KIRREL3: variants seen among roughly 807,000 people sequenced by gnomAD.
The protein encoded by KIRREL3 is kin of IRRE-like protein 3.
A neutral mutation model predicts 89.7 loss-of-function variants in KIRREL3; 36 were observed. That is an observed-to-expected ratio of 0.40 (90% CI 0.31 to 0.53). KIRREL3 has a LOEUF of 0.53. KIRREL3 is among the 20% of genes least tolerant of loss of function. The probability of loss-of-function intolerance (pLI) is 0.49; values close to 1 mark genes in which losing one functional copy is unlikely to be tolerated. For missense variants in KIRREL3, 864 were observed against 1,056.6 expected, an observed-to-expected ratio of 0.82 and a Z score of 2.53; for synonymous variants, 445 against 441.4, an observed-to-expected ratio of 1.01 and a Z score of -0.10.
At chr11:126,659,993 G>A (rs536064447) in intron 1 of KIRREL3, among the ~76,000 whole-genome samples, 1 of 152,306 alleles carries the variant, frequency 6.6e-6, no homozygotes, top group African/African-American at 2.4e-5. Flanking sequence ...TGGCATTCTG[G>A]TCTTGAAAAG....
intron 1 of KIRREL3, among the ~76,000 whole-genome samples, chr11:126,882,105 G>A (rs1404400035): frequency 6.6e-6 from 1 of 152,072 alleles, no homozygotes; most frequent in Non-Finnish European, 1.5e-5. Context: ...TCTAGGAAAT[G>A]AGCAGTTCAG....
intron 1 of KIRREL3, among the ~76,000 whole-genome samples, chr11:126,910,477 C>T (rs957853933): frequency 4.6e-5 from 7 of 152,174 alleles, no homozygotes; most frequent in African/African-American, 1.4e-4. Flanking sequence ...AAAGGTCAGA[C>T]TCATGAGTTA....
chr11:126,796,508 C>T lies in KIRREL3; in HGVS notation c.55+203947G>A, dbSNP rs1274677911. 6.6e-6 allele frequency among the ~76,000 whole-genome samples: 1 copy of T among 152,154 alleles called. No homozygotes were observed. Among genetic ancestry groups the T allele is most frequent in the African/African-American group, 2.4e-5 (1 of 41,424 alleles). ...TTGAATGGTGCGATTTGAAAAGCCT[C>T]CAGTATCTGCTGCTGACATCTGAAA... On this transcript the variant is annotated intron_variant, in intron 1 of 16. Transcript: ENST00000525144. The surrounding 1 kb of genome is among the most constrained non-coding windows in gnomAD (Gnocchi z 5.1).
intron 1 of KIRREL3, among the ~76,000 whole-genome samples, chr11:126,573,950 C>T (rs1308846570): frequency 6.6e-6 from 1 of 152,242 alleles, no homozygotes; most frequent in African/African-American, 2.4e-5. Flanking sequence ...GGTCTGGACC[C>T]TGCTCCTGAT....
intron 13 of KIRREL3, among the ~76,000 whole-genome samples, chr11:126,434,922 G>A (rs1485897552): frequency 6.6e-6 from 1 of 152,148 alleles, no homozygotes; most frequent in Admixed American, 6.5e-5. Flanking sequence ...GAAGCAGAAG[G>A]CAGTCAGGAC....
Position 126,900,448 on chromosome 11 carries a change from A to G in KIRREL3, c.55+100007T>C, listed in dbSNP as rs891160780. Among the ~76,000 whole-genome samples the G allele has an allele frequency of 2.0e-5, 3 of 152,256 alleles. No homozygotes were observed. The highest frequency in any genetic ancestry group is 7.2e-5 in the African/African-American group (3 of 41,478). On this transcript the variant is annotated intron_variant, in intron 1 of 16. Coordinates refer to ENST00000525144, the MANE Select transcript of KIRREL3 (RefSeq NM_032531.4). The surrounding 1 kb of genome is among the most constrained non-coding windows in gnomAD (Gnocchi z 4.4). The stretch of plus-strand genomic sequence containing the variant: ...TGATAACAACCTGATAGGAATGCAT[A>G]TTCCTTCTCCAATTCCCTTTCCTTC...
intron 2 of KIRREL3, among the ~76,000 whole-genome samples, chr11:126,548,471 CCGCTT>C (rs1938994982): frequency 6.6e-6 from 1 of 152,210 alleles, no homozygotes; most frequent in Non-Finnish European, 1.5e-5. Context: ...AAATACCCCA[CCGCTT>C]GGGTGCCCTA....
chr11:126,663,383 C>T (rs912535288), intron 1 of KIRREL3, among the ~76,000 whole-genome samples: 6 of 151,890 alleles, frequency 4.0e-5, no homozygotes, highest in African/African-American at 9.7e-5. Context: ...GACGGGGTTT[C>T]ACCATGTTAG....
rs888183383 is a variant in KIRREL3 at position 126,652,216 on chromosome 11, C to G, written c.56-89304G>C. On this transcript the variant is annotated intron_variant, in intron 1 of 16. Coordinates refer to ENST00000525144, the MANE Select transcript of KIRREL3 (RefSeq NM_032531.4). The surrounding 1 kb of genome is among the most constrained non-coding windows in gnomAD (Gnocchi z 4.9). ...AGGGATGGGCTTCTTTGGTTGAGTT[C>G]CGGTGTCTGTTAACCCCCCACCCCT... Among the ~76,000 whole-genome samples, 1 of 152,050 alleles carries G rather than the reference C, an allele frequency of 6.6e-6. No homozygotes were observed. Among genetic ancestry groups the G allele is most frequent in the African/African-American group, 2.4e-5 (1 of 41,384 alleles).
Position 127,000,630 on chromosome 11 carries a change from G to C in KIRREL3, c.-121C>G. The C allele has an allele frequency of 1.0e-6, 1 of 969,032 alleles. No homozygotes were observed. Among genetic ancestry groups the C allele is most frequent in the Non-Finnish European group, 1.5e-6 (1 of 646,626 alleles). 60.0% of individuals were successfully genotyped at this position (969,032 alleles called of 1,614,324 possible). On this transcript the variant is annotated 5_prime_UTR_variant, in exon 1 of 17. Transcript: ENST00000525144. The surrounding 1 kb of genome is among the most constrained non-coding windows in gnomAD (Gnocchi z 7.1). Reference sequence around the variant, plus strand: ...TCGGGTTCGCGCCTACCATCTGTCCGTCCGTGGGTCCCTCCGGGTGGCTTC... The same window carrying C: ...TCGGGTTCGCGCCTACCATCTGTCCCTCCGTGGGTCCCTCCGGGTGGCTTC...
chr11:126,792,846 C>T (rs1479483156), intron 1 of KIRREL3, among the ~76,000 whole-genome samples: 1 of 152,100 alleles, frequency 6.6e-6, no homozygotes, highest in African/African-American at 2.4e-5. Context: ...GGGATATACA[C>T]GTGTGATAAA....
rs1943529270 is a variant in KIRREL3, at chr11:126,620,380, C to T, written c.56-57468G>A. ...CAGTACCAAACACTCTTTCACCAGC[C>T]CAGGATTCTGAGGGGCTGTGAATTC... On this transcript the variant is annotated intron_variant, in intron 1 of 16. Transcript: ENST00000525144. This position sits in a 1 kb window ranked among gnomAD's most constrained non-coding sequence, Gnocchi z 4.8. Among the ~76,000 whole-genome samples, 1 of 152,136 alleles carries T rather than the reference C, an allele frequency of 6.6e-6. No homozygotes were observed. Among genetic ancestry groups the T allele is most frequent in the South Asian group, 2.1e-4 (1 of 4,826 alleles).
In KIRREL3 at chr11:126,742,509, C is replaced by G. The variant is rs919462802; in HGVS notation, c.56-179597G>C. On this transcript the variant is annotated intron_variant, in intron 1 of 16. Coordinates refer to ENST00000525144, the MANE Select transcript of KIRREL3 (RefSeq NM_032531.4). The surrounding 1 kb of genome is among the most constrained non-coding windows in gnomAD (Gnocchi z 5.3). ...CTCACACCCCAGGTCATAAGACACA[C>G]AACATGGATCTCAGAACTGGAAAGA... Among the ~76,000 whole-genome samples the G allele has an allele frequency of 6.6e-6, 1 of 152,164 alleles. No individual in the cohort carries two copies. The highest frequency in any genetic ancestry group is 1.5e-5 in the Non-Finnish European group (1 of 68,046).
rs1950042341 is a variant in KIRREL3, at chr11:126,772,290, A to T, written c.56-209378T>A. Among the ~76,000 whole-genome samples the T allele has an allele frequency of 6.6e-6, 1 of 152,164 alleles. No homozygotes were observed. The highest frequency in any genetic ancestry group is 1.5e-5 in the Non-Finnish European group (1 of 68,024). ...AAGAATGTCAATATTTTTTGGGTCA[A>T]TGTTTGTAAGACCAGACTCTTAAAT... is the stretch of plus-strand genomic sequence containing the variant. On this transcript the variant is annotated intron_variant, in intron 1 of 16. Transcript: ENST00000525144. The surrounding 1 kb of genome is among the most constrained non-coding windows in gnomAD (Gnocchi z 4.6).
At position 126,521,396 on chromosome 11, in the gene KIRREL3, C is replaced by G. The variant is rs1240627592; in HGVS notation, c.352G>C (p.Glu118Gln). 1.9e-6 allele frequency: 3 copies of G among 1,569,698 alleles called. No individual in the cohort carries two copies. The highest frequency in any genetic ancestry group is 2.6e-6 in the Non-Finnish European group (3 of 1,157,476). The change falls in exon 4 of 17, where the codon GAG becomes CAG. Residue 118 changes from glutamate to glutamine, a missense_variant. Physicochemically the swap from Glu to Gln is conservative, Grantham distance 29. Transcript: ENST00000525144. The surrounding 1 kb of genome is among the most constrained non-coding windows in gnomAD (Gnocchi z 4.1). ...TCGTACACCGCATCGTCTTGCAGCT[C>G]TGCCCTCAGGATCTTCAGGTGGTGC... ...GEHHLKILRA[E>Q]LQDDAVYECQ...
rs980420731 is a variant in KIRREL3 at position 126,612,245 on chromosome 11, C to T, written c.56-49333G>A. ...GGACACCCTTGGCATATAATAAATG[C>T]TCCCTCAGAATTTGAGTATTATATG... On this transcript the variant is annotated intron_variant, in intron 1 of 16. Coordinates refer to ENST00000525144, the MANE Select transcript of KIRREL3 (RefSeq NM_032531.4). This position sits in a 1 kb window ranked among gnomAD's most constrained non-coding sequence, Gnocchi z 4.5. 5.3e-5 allele frequency among the ~76,000 whole-genome samples: 8 copies of T among 152,180 alleles called. No homozygotes were observed. The highest frequency in any genetic ancestry group is 7.2e-5 in the African/African-American group (3 of 41,430).
intron 1 of KIRREL3, among the ~76,000 whole-genome samples, chr11:126,662,392 C>T (rs778494553): frequency 6.6e-6 from 1 of 152,306 alleles, no homozygotes; most frequent in Non-Finnish European, 1.5e-5. Context: ...TTAGTCCCTT[C>T]GTGCTGCTGT....
intron 1 of KIRREL3, among the ~76,000 whole-genome samples, chr11:126,922,209 C>A (rs1177711997): frequency 2.6e-5 from 4 of 151,638 alleles, no homozygotes; most frequent in Non-Finnish European, 5.9e-5. Flanking sequence ...CTCCAGTGAG[C>A]CCTGGCTAAC....
intron 7 of KIRREL3, among the ~76,000 whole-genome samples, chr11:126,453,126 C>T (rs554171812): frequency 7.5e-6 from 1 of 133,894 alleles, no homozygotes; most frequent in East Asian, 2.6e-4. Flanking sequence ...TCAGCTTAAG[C>T]CTCTCCCAAT....
Sources: gnomAD v4.1 joint callset for allele counts (sites outside exome capture counted in the v4.1 genomes callset) on GRCh38, gnomAD v4.1.1 for gene constraint, Gnocchi (gnomAD v3.1) non-coding constraint, MANE v1.5 for transcripts, NCBI Gene and HGNC (gene_info 2026-07-23, HGNC 2026-07-21) for gene names.